The following NT5M variants were observed in gnomAD, a reference collection of about 807,000 sequenced individuals.
NT5M encodes the protein 5'(3')-deoxyribonucleotidase, mitochondrial.
NT5M carries 22 observed loss-of-function variants against 22.2 expected under a neutral mutation model. The ratio of observed to expected loss-of-function variants is 0.99; its 90% CI spans 0.71 to 1.41. The LOEUF (loss-of-function observed/expected upper bound fraction) is 1.41. Among genes scored for constraint, NT5M ranks in the 40% most tolerant of loss-of-function variants. NT5M has a pLI of 0.00. For missense variants in NT5M, 322 were observed against 314.8 expected (o/e 1.02, Z -0.17); for synonymous variants, 167 against 133.0 (o/e 1.26, Z -1.76).
chr17:17,344,195 C>T (rs1488290317), intron 3 of NT5M, among the ~76,000 whole-genome samples: 3 of 152,170 alleles, frequency 2.0e-5, no homozygotes, highest in Admixed American at 6.5e-5. Context: ...ACCTGGAATG[C>T]GCTGTGTGCT....
Position 17,304,459 on chromosome 17 carries a change from C to T in NT5M, c.267+642C>T, listed in dbSNP as rs372216615. ...TAGAGGGGAAAGATCCAAGGAGGGA[C>T]GTTTACACACAGATCTTGGTTGGTA... On this transcript the variant is annotated intron_variant, in intron 1 of 4. Coordinates refer to ENST00000389022, the MANE Select transcript of NT5M (RefSeq NM_020201.4). 12 of 982,910 alleles carry T rather than the reference C, an allele frequency of 1.2e-5. No homozygotes were observed. The East Asian group carries it at 5.7e-4, about 47-fold the overall frequency. 60.9% of individuals were successfully genotyped at this position (982,910 alleles called of 1,614,324 possible).
chr17:17,347,086 T>G lies in NT5M; in HGVS notation c.*139T>G. 1.8e-6 allele frequency: 2 copies of G among 1,107,000 alleles called. No individual in the cohort carries two copies. The highest frequency in any genetic ancestry group is 2.5e-6 in the Non-Finnish European group (2 of 793,998). 68.6% of individuals were successfully genotyped at this position (1,107,000 alleles called of 1,614,324 possible). A position where few individuals can be genotyped will look rare whatever the true frequency, so the allele number is the denominator to read the frequency against. On this transcript the variant is annotated 3_prime_UTR_variant, in exon 5 of 5. Transcript: ENST00000389022. ...GACCTCCTGCTGCATGTCCCTTCCCTTCCCCAGCCCTGCCAGGCCTTAACC... is the reference window on the plus strand; with the variant it reads ...GACCTCCTGCTGCATGTCCCTTCCCGTCCCCAGCCCTGCCAGGCCTTAACC...
intron 3 of NT5M, among the ~76,000 whole-genome samples, chr17:17,344,275 T>G (rs2049710030): frequency 6.6e-6 from 1 of 152,220 alleles, no homozygotes; most frequent in Non-Finnish European, 1.5e-5. Context: ...GGCTTCTTTG[T>G]AGGCCTGTCC....
intron 2 of NT5M, among the ~76,000 whole-genome samples, chr17:17,315,311 TGG>T (rs2049000311): frequency 6.6e-6 from 1 of 152,136 alleles, no homozygotes; most frequent in South Asian, 2.1e-4. Context: ...GTGCTAGCAC[TGG>T]GGATATATAT....
intron 2 of NT5M, among the ~76,000 whole-genome samples, chr17:17,312,609 A>G (rs1185391548): frequency 2.1e-5 from 3 of 141,026 alleles, no homozygotes; most frequent in Non-Finnish European, 4.5e-5. Flanking sequence ...GCGCCATTGT[A>G]CTCCAGCCTG....
chr17:17,310,796 G>A (rs996001005), intron 2 of NT5M, among the ~76,000 whole-genome samples: 8 of 145,338 alleles, frequency 5.5e-5, no homozygotes, highest in Non-Finnish European at 9.0e-5. Context: ...GAGGGGGAGG[G>A]TTTGCAGTGA....
chr17:17,318,521 C>G (rs759263823), intron 2 of NT5M, among the ~76,000 whole-genome samples: 2 of 145,788 alleles, frequency 1.4e-5, no homozygotes, highest in Admixed American at 1.4e-4. Flanking sequence ...CGCAGTGGCT[C>G]AAGTGTGTAA....
At chr17:17,325,102 G>C (rs1030043829) in intron 3 of NT5M, among the ~76,000 whole-genome samples, 1 of 152,148 alleles carries the variant, frequency 6.6e-6, no homozygotes, top group African/African-American at 2.4e-5. Context: ...GGTCTGACGA[G>C]CCCGCCAGGT....
chr17:17,318,510 G>T (rs2049081487), intron 2 of NT5M, among the ~76,000 whole-genome samples: 1 of 148,990 alleles, frequency 6.7e-6, no homozygotes, highest in East Asian at 2.0e-4. Flanking sequence ...AAAAGTCTGG[G>T]CGCAGTGGCT....
At chr17:17,322,960 C>G (rs1172213455) in intron 2 of NT5M, among the ~76,000 whole-genome samples, 1 of 152,206 alleles carries the variant, frequency 6.6e-6, no homozygotes, top group Non-Finnish European at 1.5e-5. Context: ...GATGTCCAGC[C>G]CAGAGCTGGC....
intron 3 of NT5M, among the ~76,000 whole-genome samples, chr17:17,324,501 T>TAA (rs11400183): frequency 6.1e-5 from 9 of 147,876 alleles, no homozygotes; most frequent in African/African-American, 2.0e-4. Context: ...AAACTTAATT[T>TAA]AAAAAAAAAA....
chr17:17,313,041 G>A (rs1032515875), intron 2 of NT5M, among the ~76,000 whole-genome samples: 1 of 151,936 alleles, frequency 6.6e-6, no homozygotes, highest in South Asian at 2.1e-4. Flanking sequence ...AGGCTGAGGC[G>A]GGCGGATCAC....
At chr17:17,345,651 A>C (rs111686549) in intron 4 of NT5M, among the ~76,000 whole-genome samples, 11 of 145,840 alleles carry the variant, frequency 7.5e-5, no homozygotes, top group South Asian at 6.7e-4. Context: ...AAAAAAAAAA[A>C]CACAAAAAAA....
intron 1 of NT5M, 84 bp downstream of exon 1, chr17:17,303,901 G>A: frequency 2.3e-6 from 3 of 1,308,842 alleles, no homozygotes; most frequent in Non-Finnish European, 2.9e-6. Flanking sequence ...GACCTTGGAC[G>A]GTCAGCGCCC....
chr17:17,323,477 A>C (rs1466509308), intron 3 of NT5M, among the ~76,000 whole-genome samples: 2 of 152,226 alleles, frequency 1.3e-5, no homozygotes, highest in East Asian at 3.8e-4. Flanking sequence ...AGCCTGGCCC[A>C]GAGTAGGCCT....
intron 3 of NT5M, among the ~76,000 whole-genome samples, chr17:17,339,348 A>G (rs114053757): frequency 0.013 from 1,930 of 151,070 alleles, 46 homozygotes; most frequent in African/African-American, 0.045. Flanking sequence ...TGCTGACTTT[A>G]TCAGTTCTAG....
Position 17,344,801 on chromosome 17 carries a change from G to A in NT5M, c.437G>A (p.Trp146Ter), listed in dbSNP as rs2049722264. The A allele has an allele frequency of 6.2e-7, 1 of 1,613,982 alleles. No individual in the cohort carries two copies. The highest frequency in any genetic ancestry group is 1.1e-5 in the South Asian group (1 of 91,084). Residue 146 changes from tryptophan (W) to a stop codon, truncating the protein, a stop_gained, in exon 4 of 5, where the codon TGG becomes TAG. Coordinates refer to ENST00000389022, the MANE Select transcript of NT5M (RefSeq NM_020201.4). LOFTEE classifies it high-confidence loss of function. ...TTGCCTGTTTGCGTCCAGTATGCCT[G>A]GGTGGAGAAGTACTTTGGCCCTGAC... is the stretch of plus-strand genomic sequence containing the variant. ...FKYCPYEKYA[W>*]VEKYFGPDFL...
chr17:17,342,496 A>G (rs1597803002), intron 3 of NT5M, among the ~76,000 whole-genome samples: 2 of 152,186 alleles, frequency 1.3e-5, no homozygotes, highest in African/African-American at 4.8e-5. Context: ...GTGTTCAGGC[A>G]CATGATTTGA....
chr17:17,309,570 T>G (rs540129034), intron 2 of NT5M, among the ~76,000 whole-genome samples: 1 of 152,230 alleles, frequency 6.6e-6, no homozygotes, highest in African/African-American at 2.4e-5. Context: ...CACATCTTTG[T>G]CAACACTTGT....
Sources: allele counts gnomAD v4.1 joint callset (sites outside exome capture counted in the v4.1 genomes callset), GRCh38; gene constraint gnomAD v4.1.1; transcripts MANE v1.5; gene names NCBI Gene and HGNC (gene_info 2026-07-23, HGNC 2026-07-21).